Variants in PRKAR1B observed in about 807,000 individuals in gnomAD.
PRKAR1B encodes protein kinase cAMP-dependent type I regulatory subunit beta.
PRKAR1B carries 22 observed loss-of-function variants against 46.5 expected under a neutral mutation model. That is an observed-to-expected ratio of 0.47 (90% CI 0.34 to 0.68). PRKAR1B has a LOEUF of 0.68. Ranked by LOEUF, PRKAR1B falls within the 30% of genes least tolerant of loss-of-function variation. The pLI, the probability that PRKAR1B is intolerant of heterozygous loss-of-function variation, is 0.01. For synonymous variants in PRKAR1B, 259 were observed against 217.7 expected, an observed-to-expected ratio of 1.19 and a Z score of -1.67; for missense variants, 445 against 535.6, an observed-to-expected ratio of 0.83 and a Z score of 1.67.
At chr7:576,417 A>C (rs977532425) in intron 9 of PRKAR1B, among the ~76,000 whole-genome samples, 2 of 152,286 alleles carry the variant, frequency 1.3e-5, no homozygotes, top group African/African-American at 4.8e-5. Flanking sequence ...TACCGACCGG[A>C]AATACTGCCT....
At chr7:697,926 GGGGAGGGAAGGGAAGGGAC>G (rs1292960135) in intron 2 of PRKAR1B, among the ~76,000 whole-genome samples, 1 of 120,632 alleles carries the variant, frequency 8.3e-6, no homozygotes, top group South Asian at 3.2e-4. Context: ...GGGGAGGGGA[GGGGAGGGAAGGGAAGGGAC>G]GGGAGGGAAG....
At chr7:566,492 T>TCAC (rs1221816686) in intron 9 of PRKAR1B, among the ~76,000 whole-genome samples, 2 of 149,538 alleles carry the variant, frequency 1.3e-5, no homozygotes, top group East Asian at 2.0e-4. Flanking sequence ...ATCATCACTA[T>TCAC]CATCACCTTC....
At chr7:620,490 T>C (rs1263295048) in intron 4 of PRKAR1B, among the ~76,000 whole-genome samples, 1 of 152,222 alleles carries the variant, frequency 6.6e-6, no homozygotes, top group Non-Finnish European at 1.5e-5. Flanking sequence ...ACCCAGCCCC[T>C]TGGGCTCTTT....
Position 574,878 on chromosome 7 carries a change from G to C in PRKAR1B, c.891+4378C>G, listed in dbSNP as rs138782787. Among the ~76,000 whole-genome samples, 551 of 152,332 alleles carry C rather than the reference G, an allele frequency of 3.6e-3. 7 individuals are homozygous for C. Among genetic ancestry groups the C allele is most frequent in the East Asian group, 0.014 (72 of 5,192 alleles). On this transcript the variant is annotated intron_variant, in intron 9 of 10. Transcript: ENST00000537384. ...TTGAGCCTGTAAGCACCAGTTTCTT[G>C]TCAATGGTTGTAAAACCTAGAGCAA...
rs1463158808 is a variant in PRKAR1B, at chr7:553,501, A to T, written c.892-2031T>A. 4.6e-5 allele frequency among the ~76,000 whole-genome samples: 7 copies of T among 152,136 alleles called. No individual in the cohort carries two copies. In the South Asian group the frequency reaches 1.2e-3, roughly 27 times the overall value. ...AGCTGAGGCCCAGGAAGGTGGCAGCACCTGCAGCCTGGCCCTCCAGGGTCC... is the reference window on the plus strand; with the variant it reads ...AGCTGAGGCCCAGGAAGGTGGCAGCTCCTGCAGCCTGGCCCTCCAGGGTCC... On this transcript the variant is annotated intron_variant, in intron 9 of 10. Coordinates refer to ENST00000537384, the MANE Select transcript of PRKAR1B (RefSeq NM_001164760.2).
At chr7:642,937 T>A (rs1009980927) in intron 4 of PRKAR1B, among the ~76,000 whole-genome samples, 8 of 151,246 alleles carry the variant, frequency 5.3e-5, no homozygotes, top group Non-Finnish European at 8.8e-5. Flanking sequence ...GAGCAGTGAT[T>A]TTGCCACTCT....
intron 2 of PRKAR1B, among the ~76,000 whole-genome samples, chr7:691,190 T>TACCCGAAGGGTCCCGCACCC (rs1779403577): frequency 1.3e-5 from 2 of 150,668 alleles, no homozygotes; most frequent in Non-Finnish European, 1.5e-5. Flanking sequence ...CTGCAAATCC[T>TACCCGAAGGGTCCCGCACCC]ACCCAAAGGG....
chr7:597,335 G>A (rs1280555465), intron 6 of PRKAR1B, among the ~76,000 whole-genome samples: 1 of 152,172 alleles, frequency 6.6e-6, no homozygotes, highest in African/African-American at 2.4e-5. Context: ...CCACAATTAG[G>A]TACAAGTGAG....
chr7:659,307 A>T (rs569951529), intron 4 of PRKAR1B, among the ~76,000 whole-genome samples: 12 of 152,194 alleles, frequency 7.9e-5, no homozygotes, highest in African/African-American at 2.7e-4. Context: ...AGTATCTTCA[A>T]CCCCTCGGGC....
At chr7:617,592 C>A (rs1010959674) in intron 4 of PRKAR1B, among the ~76,000 whole-genome samples, 2 of 152,212 alleles carry the variant, frequency 1.3e-5, no homozygotes, top group Non-Finnish European at 2.9e-5. Flanking sequence ...TCAAGTCCCA[C>A]CCAGCCCTGT....
intron 9 of PRKAR1B, among the ~76,000 whole-genome samples, chr7:561,535 G>A (rs1562519815): frequency 6.6e-6 from 1 of 152,214 alleles, no homozygotes; most frequent in South Asian, 2.1e-4. Flanking sequence ...CGGGTGTCTT[G>A]GAGGTGACCG....
chr7:550,383 C>T lies in PRKAR1B; in HGVS notation c.*47G>A, dbSNP rs1286749742. ...GGGCCCCCGACACAGACGAGCAGGG[C>T]ACGGCCACCACACTGGGGAGCTGGG... is the stretch of plus-strand genomic sequence containing the variant. On this transcript the variant is annotated 3_prime_UTR_variant, in exon 11 of 11. Transcript: ENST00000537384. 3.2e-6 allele frequency: 5 copies of T among 1,539,542 alleles called. No homozygotes were observed. In the Admixed American group the frequency reaches 5.8e-5, roughly 18 times the overall value.
chr7:571,352 G>A (rs371808271), intron 9 of PRKAR1B, among the ~76,000 whole-genome samples: 1 of 152,152 alleles, frequency 6.6e-6, no homozygotes, highest in African/African-American at 2.4e-5. Context: ...TTTTGCAGGG[G>A]TCCCTTTCCT....
intron 4 of PRKAR1B, among the ~76,000 whole-genome samples, chr7:665,214 A>C (rs1696756005): frequency 1.3e-5 from 2 of 152,054 alleles, no homozygotes; most frequent in South Asian, 4.2e-4. Context: ...TTCTCTTAAA[A>C]AGGTTGTTGT....
In PRKAR1B at chr7:668,007, A is replaced by G. The variant is rs1303588139; in HGVS notation, c.440+9222T>C. Among the ~76,000 whole-genome samples the G allele has an allele frequency of 2.0e-5, 3 of 152,334 alleles. 1 individual carries two copies. In the East Asian group the frequency reaches 5.8e-4, roughly 29 times the overall value. Reference sequence around the variant, plus strand: ...ACGTATCTCTCGCACAACCTTATGTATCTCCCACACTGTTACGGATCGACA... The same window carrying G: ...ACGTATCTCTCGCACAACCTTATGTGTCTCCCACACTGTTACGGATCGACA... On this transcript the variant is annotated intron_variant, in intron 4 of 10. Transcript: ENST00000537384.
intron 4 of PRKAR1B, among the ~76,000 whole-genome samples, chr7:649,164 A>AAAAT (rs1215529112): frequency 6.6e-6 from 1 of 152,206 alleles, no homozygotes; most frequent in South Asian, 2.1e-4. Context: ...ACTCCGTCTC[A>AAAAT]AAATAAATAA....
intron 6 of PRKAR1B, 51 bp downstream of exon 6, chr7:606,142 C>T (rs982425203): frequency 6.3e-7 from 1 of 1,585,710 alleles, no homozygotes; most frequent in Middle Eastern, 1.7e-4. Context: ...AGTCTTCACA[C>T]CGGACATGCA....
chr7:617,437 T>C (rs565052870), intron 4 of PRKAR1B, among the ~76,000 whole-genome samples: 3 of 152,100 alleles, frequency 2.0e-5, no homozygotes, highest in Non-Finnish European at 4.4e-5. Flanking sequence ...CCCAAGCAGA[T>C]GGGACCACCA....
intron 4 of PRKAR1B, among the ~76,000 whole-genome samples, chr7:616,620 C>G (rs1228197936): frequency 1.3e-5 from 2 of 152,230 alleles, no homozygotes; most frequent in East Asian, 3.9e-4. Flanking sequence ...CACCGGCCAC[C>G]AGACCCCAGT....
Sources: gnomAD v4.1 joint callset for allele counts (sites outside exome capture counted in the v4.1 genomes callset) on GRCh38, gnomAD v4.1.1 for gene constraint, MANE v1.5 for transcripts, NCBI Gene and HGNC (gene_info 2026-07-23, HGNC 2026-07-21) for gene names.